Variants in PDE1C observed in about 807,000 individuals in gnomAD.
PDE1C encodes dual specificity calcium/calmodulin-dependent 3',5'-cyclic nucleotide phosphodiesterase 1C.
In PDE1C, 62 loss-of-function variants were observed where a neutral mutation model predicts 93.1. The observed-to-expected ratio is 0.67, with a 90% confidence interval of 0.54 to 0.82. The LOEUF is 0.82. PDE1C is among the 40% of genes least tolerant of loss of function. PDE1C has a pLI of 0.00. For missense variants in PDE1C, 742 were observed against 884.6 expected, an observed-to-expected ratio of 0.84 and a Z score of 2.04; for synonymous variants, 325 against 310.1, an observed-to-expected ratio of 1.05 and a Z score of -0.50.
chr7:32,166,973 G>A lies in PDE1C; in HGVS notation c.308+2812C>T, dbSNP rs200641287. Among the ~76,000 whole-genome samples the A allele has an allele frequency of 8.5e-5, 13 of 152,274 alleles. No homozygotes were observed. The East Asian group carries it at 2.5e-3, about 29-fold the overall frequency. On this transcript the variant is annotated intron_variant, in intron 3 of 18. Coordinates refer to the PDE1C transcript ENST00000396193. ...TTTTTTATAGGCTTTCTCTCTCCAA[G>A]CCAGTTTCTTCATCTCTAAAATGGA...
chr7:31,616,875 C>A, the PDE1C span, among the ~76,000 whole-genome samples: 5 of 151,800 alleles, frequency 3.3e-5, no homozygotes, highest in Non-Finnish European at 7.4e-5. Flanking sequence ...TACCAGATAC[C>A]CAAACCTCTC....
intron 1 of PDE1C, among the ~76,000 whole-genome samples, chr7:32,398,563 AT>A (rs1784883330): frequency 6.6e-6 from 1 of 151,832 alleles, no homozygotes; most frequent in Admixed American, 6.6e-5. Context: ...TGATATTTGT[AT>A]TTTTAGTAGA....
chr7:32,398,539 C>A (rs1228627828), intron 1 of PDE1C, among the ~76,000 whole-genome samples: 4 of 151,736 alleles, frequency 2.6e-5, no homozygotes, highest in Admixed American at 2.6e-4. Flanking sequence ...CAGGTGCATG[C>A]CACCAAACCC....
intron 1 of PDE1C, among the ~76,000 whole-genome samples, chr7:32,247,879 T>G (rs1175221257): frequency 6.6e-6 from 1 of 152,160 alleles, no homozygotes; most frequent in East Asian, 1.9e-4. Context: ...CTGTACTATG[T>G]ACAGACTAGT....
intron 9 of PDE1C, among the ~76,000 whole-genome samples, chr7:31,845,583 T>C (rs1792464571): frequency 6.6e-6 from 1 of 152,032 alleles, no homozygotes; most frequent in Admixed American, 6.6e-5. Context: ...ATGTAGACGA[T>C]GGGTTGATGG....
Position 31,970,320 on chromosome 7 carries a change from C to T in PDE1C, c.128+81234G>A, listed in dbSNP as rs756525897. ...ACCAGAAGGATATCTTTATGTCGAGCCCCAATATCTACTAAATTCTAATAC... is the reference window on the plus strand; with the variant it reads ...ACCAGAAGGATATCTTTATGTCGAGTCCCAATATCTACTAAATTCTAATAC... On this transcript the variant is annotated intron_variant, in intron 2 of 17. Transcript: ENST00000396191. 1.2e-3 allele frequency among the ~76,000 whole-genome samples: 178 copies of T among 152,124 alleles called. 3 individuals are homozygous for T. Among genetic ancestry groups the T allele is most frequent in the Middle Eastern group, 3.4e-3 (1 of 294 alleles).
intron 1 of PDE1C, among the ~76,000 whole-genome samples, chr7:32,052,020 T>A (rs1375520485): frequency 1.3e-5 from 2 of 152,176 alleles, no homozygotes; most frequent in African/African-American, 4.8e-5. Flanking sequence ...TGAATAATGA[T>A]CAGTTATTTA....
chr7:32,274,191 A>C (rs1022667476), intron 1 of PDE1C, among the ~76,000 whole-genome samples: 6 of 151,662 alleles, frequency 4.0e-5, no homozygotes, highest in African/African-American at 9.7e-5. Flanking sequence ...AATGGCATTT[A>C]TTTAGGATAG....
intron 2 of PDE1C, among the ~76,000 whole-genome samples, chr7:32,180,658 T>C (rs1477122634): frequency 6.6e-6 from 1 of 152,264 alleles, no homozygotes; most frequent in African/African-American, 2.4e-5. Flanking sequence ...AATAAATTTC[T>C]GTTTTTTATA....
At chr7:32,387,649 C>A (rs1256036461) in intron 1 of PDE1C, among the ~76,000 whole-genome samples, 1 of 149,712 alleles carries the variant, frequency 6.7e-6, no homozygotes. Flanking sequence ...CCACCTCCCT[C>A]CCGGACGGGG....
chr7:32,373,585 C>T (rs1452691911), intron 1 of PDE1C, among the ~76,000 whole-genome samples: 3 of 152,144 alleles, frequency 2.0e-5, no homozygotes, highest in Admixed American at 6.5e-5. Context: ...TCGCCAAAAC[C>T]ATTGAATTGT....
the PDE1C span, among the ~76,000 whole-genome samples, chr7:31,719,814 T>G: frequency 6.6e-6 from 1 of 152,224 alleles, no homozygotes; most frequent in African/African-American, 2.4e-5. Context: ...TGGCCAATGC[T>G]GCTCTACCCT....
At chr7:31,815,875 T>C (rs758494313) in intron 15 of PDE1C, 49 bp downstream of exon 15, 5 of 1,350,572 alleles carry the variant, frequency 3.7e-6, no homozygotes, top group Non-Finnish European at 5.3e-6. Context: ...CCATTCATTA[T>C]GTCATTAATG....
chr7:31,768,281 T>C (rs1050944122), intron 17 of PDE1C, among the ~76,000 whole-genome samples: 4 of 152,172 alleles, frequency 2.6e-5, no homozygotes, highest in Non-Finnish European at 5.9e-5. Flanking sequence ...AGAAGGCCAG[T>C]GAGTCGGGCC....
intron 2 of PDE1C, among the ~76,000 whole-genome samples, chr7:31,989,012 A>AT (rs1783790273): frequency 6.7e-6 from 1 of 148,440 alleles, no homozygotes; most frequent in African/African-American, 2.5e-5. Context: ...AAAAAAAAAA[A>AT]AAAAAAGAGA....
chr7:32,425,838 G>T (rs1785517042), intron 1 of PDE1C, among the ~76,000 whole-genome samples: 1 of 152,148 alleles, frequency 6.6e-6, no homozygotes, highest in South Asian at 2.1e-4. Flanking sequence ...CTACTCAGGA[G>T]GCTGAGGTGG....
chr7:31,954,550 CAATT>C (rs1807859834), intron 2 of PDE1C, among the ~76,000 whole-genome samples: 1 of 152,114 alleles, frequency 6.6e-6, no homozygotes, highest in Non-Finnish European at 1.5e-5. Context: ...CTATAACTAA[CAATT>C]AATTATCTGA....
intron 1 of PDE1C, among the ~76,000 whole-genome samples, chr7:32,211,216 TAAAA>T (rs1806004664): frequency 1.3e-5 from 2 of 151,702 alleles, no homozygotes; most frequent in African/African-American, 4.8e-5. Flanking sequence ...TCTCAAAAAA[TAAAA>T]AGAAAGAAAT....
chr7:31,625,305 A>C, the PDE1C span, among the ~76,000 whole-genome samples: 1 of 151,970 alleles, frequency 6.6e-6, no homozygotes, highest in Non-Finnish European at 1.5e-5. Context: ...TCATGCTGCT[A>C]TAAAGACACA....
Sources: allele counts gnomAD v4.1 joint callset (sites outside exome capture counted in the v4.1 genomes callset), GRCh38; gene constraint gnomAD v4.1.1; transcripts MANE v1.5; gene names NCBI Gene and HGNC (gene_info 2026-07-23, HGNC 2026-07-21).